SV2B: variants seen among roughly 807,000 people sequenced by gnomAD.
The protein encoded by SV2B is solute carrier family 22 member B2.
Under a neutral mutation model 73.9 loss-of-function variants are expected in SV2B, and 41 were observed. The ratio of observed to expected loss-of-function variants is 0.56; its 90% confidence interval spans 0.43 to 0.72. SV2B has a LOEUF of 0.72. Among genes scored for constraint, SV2B ranks in the 30% least tolerant of loss-of-function variants. SV2B has a pLI of 0.00. For missense variants in SV2B, 764 were observed against 857.8 expected (o/e 0.89, Z 1.37); for synonymous variants, 314 against 314.2 (o/e 1.00, Z 0.01).
intron 9 of SV2B, among the ~76,000 whole-genome samples, chr15:91,278,820 C>T (rs2048588758): frequency 6.6e-6 from 1 of 151,830 alleles, no homozygotes; most frequent in South Asian, 2.1e-4. Flanking sequence ...CAGATTAGGA[C>T]CTGATCTAAG....
chr15:91,280,761 A>G lies in SV2B; in HGVS notation c.1374-967A>G, dbSNP rs980989659. Among the ~76,000 whole-genome samples, 1 of 152,228 alleles carries G rather than the reference A, an allele frequency of 6.6e-6. No homozygotes were observed. Among genetic ancestry groups the G allele is most frequent in the Non-Finnish European group, 1.5e-5 (1 of 68,046 alleles). On this transcript the variant is annotated intron_variant, in intron 9 of 12. Coordinates refer to ENST00000394232, the MANE Select transcript of SV2B (RefSeq NM_001323032.3). The surrounding 1 kb of genome is among the most constrained non-coding windows in gnomAD (Gnocchi z 5.8). Reference sequence around the variant, plus strand: ...AACTGAGTTTTAAAAAAAAGTGAACACATAATACATACGCTTGGCATAAAG... The same window carrying G: ...AACTGAGTTTTAAAAAAAAGTGAACGCATAATACATACGCTTGGCATAAAG...
rs775681018 is a variant in SV2B, at chr15:91,197,565, C to A, written c.-391-28308C>A. Reference sequence around the variant, plus strand: ...GAAGAAAAAAAAAACCAAACCAAACCAAACAAAACAAAACAAAATCACTGT... The same window carrying A: ...GAAGAAAAAAAAAACCAAACCAAACAAAACAAAACAAAACAAAATCACTGT... On this transcript the variant is annotated intron_variant, in intron 1 of 12. Transcript: ENST00000394232. This position sits in a 1 kb window ranked among gnomAD's most constrained non-coding sequence, Gnocchi z 4.9. 6.6e-4 allele frequency among the ~76,000 whole-genome samples: 99 copies of A among 150,792 alleles called. No individual in the cohort carries two copies. Among genetic ancestry groups the A allele is most frequent in the African/African-American group, 1.8e-3 (74 of 40,514 alleles).
chr15:91,134,016 T>TTTTTTTTTTTTTTTA (rs3082090), intron 1 of SV2B, among the ~76,000 whole-genome samples: 1 of 145,312 alleles, frequency 6.9e-6, no homozygotes, highest in African/African-American at 2.6e-5. Flanking sequence ...TTTTTTTTTT[T>TTTTTTTTTTTTTTTA]GAGATGGAGT....
At chr15:91,202,151 C>T (rs537653519) in intron 1 of SV2B, among the ~76,000 whole-genome samples, 13 of 152,294 alleles carry the variant, frequency 8.5e-5, no homozygotes, top group African/African-American at 2.4e-4. Context: ...TCCCTGCCCC[C>T]GTCGCCTCTG....
At chr15:91,190,425 A>AT (rs1176492210) in intron 1 of SV2B, among the ~76,000 whole-genome samples, 3 of 151,224 alleles carry the variant, frequency 2.0e-5, no homozygotes, top group Non-Finnish European at 4.4e-5. Context: ...AATGCGCATT[A>AT]TTTTTTTGTT....
chr15:91,192,523 C>G (rs1432234687), intron 1 of SV2B, among the ~76,000 whole-genome samples: 4 of 152,150 alleles, frequency 2.6e-5, no homozygotes, highest in Non-Finnish European at 5.9e-5. Flanking sequence ...ATGGGTTTCA[C>G]AAGGGATGTG....
rs1313181903 is a variant in SV2B at position 91,268,641 on chromosome 15, G to C, written c.1373+36G>C. The C allele has an allele frequency of 6.3e-7, 1 of 1,596,520 alleles. No individual in the cohort carries two copies. Among genetic ancestry groups the C allele is most frequent in the Non-Finnish European group, 8.6e-7 (1 of 1,166,730 alleles). On this transcript the variant is annotated intron_variant, in intron 9 of 12. Coordinates refer to ENST00000394232, the MANE Select transcript of SV2B (RefSeq NM_001323032.3). This position sits in a 1 kb window ranked among gnomAD's most constrained non-coding sequence, Gnocchi z 4.4. ...GATCACGGGCTTCCCTCACATCAGG[G>C]TGACAGTCGTGGGGACTGTTATTGG...
At chr15:91,158,716 C>CT (rs2043598103) in intron 1 of SV2B, among the ~76,000 whole-genome samples, 1 of 96,906 alleles carries the variant, frequency 1.0e-5, no homozygotes, top group African/African-American at 4.1e-5. Flanking sequence ...CTCCTCTCCT[C>CT]TCCTCTCCTC....
intron 1 of SV2B, among the ~76,000 whole-genome samples, chr15:91,125,854 T>A (rs2042467354): frequency 6.7e-6 from 1 of 148,408 alleles, no homozygotes; most frequent in Non-Finnish European, 1.5e-5. Context: ...TAAAGTCACC[T>A]TAAAGAGAGA....
chr15:91,184,769 A>G (rs1268134206), intron 1 of SV2B, among the ~76,000 whole-genome samples: 7 of 152,246 alleles, frequency 4.6e-5, no homozygotes. Flanking sequence ...AATTCAAGCC[A>G]TCAGATGCAA....
At chr15:91,260,286 G>T in intron 5 of SV2B, 34 bp from the exon 6 acceptor site, 1 of 1,580,340 alleles carries the variant, frequency 6.3e-7, no homozygotes, top group South Asian at 1.2e-5. Flanking sequence ...AGTCAGCAAT[G>T]AATTTTTCCT....
rs1052647825 is a variant in SV2B, at chr15:91,110,804, C to T, written c.-392+10441C>T. ...AGTGACGAACACATCCCACACATGC[C>T]AGTGTAAGGGTCTGTGAATTAAATG... is the stretch of plus-strand genomic sequence containing the variant. On this transcript the variant is annotated intron_variant, in intron 1 of 12. Transcript: ENST00000394232. This position sits in a 1 kb window ranked among gnomAD's most constrained non-coding sequence, Gnocchi z 5.4. Among the ~76,000 whole-genome samples, 30 of 152,306 alleles carry T rather than the reference C, an allele frequency of 2.0e-4. 1 individual carries two copies. Among genetic ancestry groups the T allele is most frequent in the African/African-American group, 5.8e-4 (24 of 41,572 alleles).
chr15:91,267,785 T>G lies in SV2B; in HGVS notation c.1208+142T>G. 2 of 658,706 alleles carry G rather than the reference T, an allele frequency of 3.0e-6. No homozygotes were observed. The highest frequency in any genetic ancestry group is 5.4e-6 in the Non-Finnish European group (2 of 372,082). The allele number at this position is 658,706 out of a possible 1,614,324, so 40.8% of individuals were successfully genotyped here. On this transcript the variant is annotated intron_variant, in intron 8 of 12. Coordinates refer to ENST00000394232, the MANE Select transcript of SV2B (RefSeq NM_001323032.3). This position sits in a 1 kb window ranked among gnomAD's most constrained non-coding sequence, Gnocchi z 4.3. The stretch of plus-strand genomic sequence containing the variant: ...GCAAGTAGCAGAAAACCAACTCTAG[T>G]GGCTTCTACAAAGAAGAAACTTTTT...
At chr15:91,270,730 T>C (rs180673998) in intron 9 of SV2B, among the ~76,000 whole-genome samples, 12 of 150,762 alleles carry the variant, frequency 8.0e-5, no homozygotes, top group Non-Finnish European at 1.8e-4. Flanking sequence ...AACTGCTGGG[T>C]GGGAGTGAGG....
At chr15:91,117,900 T>G (rs1030270172) in intron 1 of SV2B, among the ~76,000 whole-genome samples, 1 of 152,198 alleles carries the variant, frequency 6.6e-6, no homozygotes, top group Non-Finnish European at 1.5e-5. Flanking sequence ...GACTTTTTTA[T>G]TGCCCCGAAT....
intron 1 of SV2B, among the ~76,000 whole-genome samples, chr15:91,113,808 T>C (rs1335323311): frequency 6.6e-6 from 1 of 152,192 alleles, no homozygotes; most frequent in Admixed American, 6.5e-5. Flanking sequence ...GAGCCTCAAT[T>C]TCCTGATCTT....
rs1037030188 is a variant in SV2B at position 91,290,775 on chromosome 15, C to T, written c.1868+1095C>T. On this transcript the variant is annotated intron_variant, in intron 12 of 12. Transcript: ENST00000394232. This position sits in a 1 kb window ranked among gnomAD's most constrained non-coding sequence, Gnocchi z 4.7. ...TATGCCAACTCAGTGATTTGGGAGG[C>T]CGAGGCAAAAGGATTGCTTGAAGGC... is the stretch of plus-strand genomic sequence containing the variant. 6.6e-5 allele frequency among the ~76,000 whole-genome samples: 10 copies of T among 151,982 alleles called. No individual in the cohort carries two copies. Among genetic ancestry groups the T allele is most frequent in the African/African-American group, 2.2e-4 (9 of 41,386 alleles).
intron 1 of SV2B, among the ~76,000 whole-genome samples, chr15:91,206,392 A>G (rs940205463): frequency 1.3e-5 from 2 of 151,978 alleles, no homozygotes; most frequent in Non-Finnish European, 2.9e-5. Flanking sequence ...CAGGTTCTCC[A>G]TGTATACAGC....
rs1223898670 is a variant in SV2B at position 91,124,874 on chromosome 15, G to A, written c.-392+24511G>A. On this transcript the variant is annotated intron_variant, in intron 1 of 12. Coordinates refer to ENST00000394232, the MANE Select transcript of SV2B (RefSeq NM_001323032.3). The surrounding 1 kb of genome is among the most constrained non-coding windows in gnomAD (Gnocchi z 4.6). ...TCACCATGTTGGCCAGGCTGGTCTC[G>A]AACTCCTGACTTCAAGTGATCCACC... Among the ~76,000 whole-genome samples the A allele has an allele frequency of 1.5e-4, 23 of 152,164 alleles. No individual in the cohort carries two copies. The highest frequency in any genetic ancestry group is 1.3e-3 in the Admixed American group (20 of 15,290).
Sources: gnomAD v4.1 joint callset for allele counts (sites outside exome capture counted in the v4.1 genomes callset) on GRCh38, gnomAD v4.1.1 for gene constraint, Gnocchi (gnomAD v3.1) non-coding constraint, MANE v1.5 for transcripts, NCBI Gene and HGNC (gene_info 2026-07-23, HGNC 2026-07-21) for gene names.